TACC2: variants seen among roughly 807,000 people sequenced by gnomAD.
TACC2 encodes transforming acidic coiled-coil-containing protein 2.
In TACC2, 137 loss-of-function variants were observed where a neutral mutation model predicts 227.3. The ratio of observed to expected loss-of-function variants is 0.60; its 90% CI spans 0.52 to 0.69. The LOEUF (loss-of-function observed/expected upper bound fraction) is 0.69. Among genes scored for constraint, TACC2 ranks in the 30% least tolerant of loss-of-function variants. The pLI is 0.00. For synonymous variants in TACC2, 1,523 were observed against 1,487.5 expected (o/e 1.02, Z -0.55); for missense variants, 3,470 against 3,694.4 (o/e 0.94, Z 1.57).
chr10:122,185,159 C>T (rs1303966444), intron 7 of TACC2, among the ~76,000 whole-genome samples: 1 of 151,258 alleles, frequency 6.6e-6, no homozygotes, highest in Non-Finnish European at 1.5e-5. Flanking sequence ...AGCCACTGTG[C>T]CTGGCCTATC....
intron 13 of TACC2, 84 bp downstream of exon 13, chr10:122,226,565 C>T (rs1042415293): frequency 4.3e-6 from 4 of 923,086 alleles, no homozygotes; most frequent in South Asian, 1.5e-5. Flanking sequence ...ATTTTGACTT[C>T]ATTTCAGTGC....
chr10:122,000,098 A>G (rs2135046711), intron 1 of TACC2, among the ~76,000 whole-genome samples: 1 of 152,350 alleles, frequency 6.6e-6, no homozygotes, highest in South Asian at 2.1e-4. Flanking sequence ...TTCAGTTTAG[A>G]AAATGCAAAT....
In TACC2 at chr10:122,232,108, T is replaced by C. The variant is rs1017180730; in HGVS notation, c.8127+1668T>C. ...GCAGGGACAAGAATGTCAATACAGA[T>C]TGGGGATGTCCTCGTTCTTGTTGCC... is the stretch of plus-strand genomic sequence containing the variant. On this transcript the variant is annotated intron_variant, in intron 16 of 22. Coordinates refer to ENST00000369005, the MANE Select transcript of TACC2 (RefSeq NM_206862.4). Among the ~76,000 whole-genome samples, 12 of 152,190 alleles carry C rather than the reference T, an allele frequency of 7.9e-5. 1 individual carries two copies. The highest frequency in any genetic ancestry group is 2.9e-4 in the African/African-American group (12 of 41,450).
At chr10:122,076,933 A>G (rs775102117) in intron 3 of TACC2, among the ~76,000 whole-genome samples, 6 of 151,866 alleles carry the variant, frequency 4.0e-5, no homozygotes, top group Non-Finnish European at 7.4e-5. Flanking sequence ...TGGCCAACAT[A>G]ACAAAACCCT....
intron 22 of TACC2, among the ~76,000 whole-genome samples, chr10:122,251,982 C>A (rs1002350449): frequency 2.6e-5 from 4 of 152,214 alleles, no homozygotes; most frequent in Non-Finnish European, 5.9e-5. Flanking sequence ...TTCACCCAGA[C>A]AATTCTTGAA....
At chr10:122,175,578 G>A (rs2093659189) in intron 7 of TACC2, among the ~76,000 whole-genome samples, 1 of 152,106 alleles carries the variant, frequency 6.6e-6, no homozygotes. Flanking sequence ...TCTGGATACT[G>A]TTTTTCTTCC....
intron 1 of TACC2, among the ~76,000 whole-genome samples, chr10:122,005,955 A>G (rs527456515): frequency 4.6e-5 from 7 of 152,128 alleles, no homozygotes; most frequent in South Asian, 2.1e-4. Context: ...TCAGCCTTCC[A>G]AAGTGTTGGG....
chr10:122,210,648 T>C lies in TACC2; in HGVS notation c.6223T>C (p.Ser2075Pro). The C allele has an allele frequency of 1.2e-6, 2 of 1,613,952 alleles. No individual in the cohort carries two copies. Among genetic ancestry groups the C allele is most frequent in the Middle Eastern group, 3.3e-4 (2 of 6,062 alleles). Residue 2075 changes from serine (S) to proline (P), a missense_variant, in exon 9 of 23, where the codon TCC (serine) becomes CCC (proline). This residue lies in a region of TACC2 where 593 missense variants were observed against 636.6 expected (regional missense o/e 0.93). Transcript: ENST00000369005. This position sits in a 1 kb window ranked among gnomAD's most constrained non-coding sequence, Gnocchi z 4.6. Reference protein sequence around the residue: ...KVNTRRKSTDSVPISKSTLSR... With the variant: ...KVNTRRKSTDPVPISKSTLSR... ...GAACACACGGAGGAAGTCCACGGAT[T>C]CCGTCCCCATCTCTAAGTCTACACT...
intron 7 of TACC2, among the ~76,000 whole-genome samples, chr10:122,144,606 A>T (rs917348895): frequency 6.6e-6 from 1 of 152,218 alleles, no homozygotes; most frequent in Non-Finnish European, 1.5e-5. Context: ...CCCAAAGCGT[A>T]GACAACCAGC....
Position 122,227,982 on chromosome 10 carries a change from G to C in TACC2, c.7870G>C (p.Gly2624Arg), listed in dbSNP as rs1589755909. The C allele has an allele frequency of 6.2e-7, 1 of 1,613,892 alleles. No homozygotes were observed. Among genetic ancestry groups the C allele is most frequent in the South Asian group, 1.1e-5 (1 of 91,056 alleles). The change falls in exon 14 of 23, where the codon GGC becomes CGC. Residue 2624 changes from glycine (G) to arginine (R), a missense_variant. By Grantham distance (125) the Gly-to-Arg change is moderately radical (BLOSUM62 -2). Around this residue, in one of 10 missense-constraint regions of TACC2, gnomAD observed 345 missense variants for 354.4 expected, o/e 0.97. Transcript: ENST00000369005. ...GAAGGAGCTGGAGGCCATGGGCTTG[G>C]GCACCCCTTCAGAAGCGATTGAAAT... ...SQKELEAMGL[G>R]TPSEAIEITA... is the part of the protein sequence containing the mutation.
chr10:122,033,519 T>TG (rs1282922122), intron 2 of TACC2, among the ~76,000 whole-genome samples: 6 of 152,306 alleles, frequency 3.9e-5, no homozygotes, highest in African/African-American at 1.4e-4. Flanking sequence ...AAGCTGGGAA[T>TG]GGGGTGGTGA....
intron 7 of TACC2, among the ~76,000 whole-genome samples, chr10:122,148,057 C>A (rs2091609067): frequency 6.6e-6 from 1 of 150,628 alleles, no homozygotes; most frequent in African/African-American, 2.4e-5. Flanking sequence ...CATTTGATTT[C>A]ACTGAAATGG....
At position 122,049,351 on chromosome 10, in the gene TACC2, G is replaced by A. The variant is rs570358264; in HGVS notation, c.34-1087G>A. On this transcript the variant is annotated intron_variant, in intron 2 of 22. Transcript: ENST00000369005. ...CACCACAGCTGGAAACAAGGCTGCA[G>A]GTGACTTCCCGACTCACCTTCTATA... 3.3e-5 allele frequency among the ~76,000 whole-genome samples: 5 copies of A among 152,336 alleles called. No homozygotes were observed. The South Asian group carries it at 1.0e-3, about 32-fold the overall frequency.
intron 5 of TACC2, among the ~76,000 whole-genome samples, chr10:122,090,126 A>G (rs2080584719): frequency 6.6e-6 from 1 of 151,776 alleles, no homozygotes; most frequent in Non-Finnish European, 1.5e-5. Context: ...GCAGGGCCAG[A>G]TGTATAGTAG....
chr10:122,101,933 G>A (rs951054691), intron 5 of TACC2, among the ~76,000 whole-genome samples: 9 of 151,654 alleles, frequency 5.9e-5, no homozygotes, highest in African/African-American at 1.9e-4. Flanking sequence ...GTGCTTACCC[G>A]AGGCCTGCTG....
At chr10:122,136,543 GTGTATATATATA>G (rs1214973848) in intron 6 of TACC2, among the ~76,000 whole-genome samples, 4 of 143,254 alleles carry the variant, frequency 2.8e-5, no homozygotes, top group South Asian at 2.2e-4. Context: ...TTGTGTGTGT[GTGTATATATATA>G]TATATATATA....
intron 2 of TACC2, among the ~76,000 whole-genome samples, chr10:122,026,264 C>T (rs564870437): frequency 1.9e-3 from 266 of 136,784 alleles, no homozygotes; most frequent in African/African-American, 6.9e-3. Flanking sequence ...GGAGGCGGAG[C>T]TTGCAGTGAG....
At chr10:122,186,334 T>G (rs2094191427) in intron 7 of TACC2, among the ~76,000 whole-genome samples, 2 of 151,492 alleles carry the variant, frequency 1.3e-5, no homozygotes, top group Non-Finnish European at 2.9e-5. Context: ...GGCAGGAGGG[T>G]CGTTTGAGAC....
chr10:122,074,292 G>T lies in TACC2; in HGVS notation c.147-8355G>T, dbSNP rs147309990. ...GACGGAGTTTTACCATGTTAACCAG[G>T]CTGTCTTGAACTCCTGACCTCAGGT... On this transcript the variant is annotated intron_variant, in intron 3 of 22. Transcript: ENST00000369005. Among the ~76,000 whole-genome samples the T allele has an allele frequency of 1.9e-4, 29 of 151,900 alleles. No individual in the cohort carries two copies. In the East Asian group the frequency reaches 4.9e-3, roughly 25 times the overall value.
Sources: allele counts gnomAD v4.1 joint callset (sites outside exome capture counted in the v4.1 genomes callset), GRCh38; gene constraint gnomAD v4.1.1; regional missense constraint gnomAD v4.1.1; non-coding constraint Gnocchi (gnomAD v3.1); transcripts MANE v1.5; gene names NCBI Gene and HGNC (gene_info 2026-07-23, HGNC 2026-07-21).